The following LIMS2 variants were observed in gnomAD, a reference collection of about 807,000 sequenced individuals.
LIMS2 encodes the protein LIM and senescent cell antigen-like-containing domain protein 2.
Under a neutral mutation model 45.3 loss-of-function variants are expected in LIMS2, and 30 were observed. That is an observed-to-expected ratio of 0.66 (90% CI 0.50 to 0.90). The LOEUF is 0.90. Ranked by LOEUF, LIMS2 falls within the 40% of genes least tolerant of loss-of-function variation. The pLI is 0.00. For missense variants in LIMS2, 485 were observed against 468.7 expected, an observed-to-expected ratio of 1.03 and a Z score of -0.32; for synonymous variants, 173 against 188.0, an observed-to-expected ratio of 0.92 and a Z score of 0.65.
Position 127,642,084 on chromosome 2 carries a change from C to G in LIMS2, c.625G>C (p.Val209Leu). The G allele has an allele frequency of 1.2e-6, 2 of 1,610,890 alleles. No individual in the cohort carries two copies. The highest frequency in any genetic ancestry group is 1.7e-4 in the Middle Eastern group (1 of 6,040). The change falls in exon 6 of 10, where the codon GTG becomes CTG. Residue 209 changes from valine to leucine, a missense_variant. Coordinates refer to ENST00000355119, the MANE Select transcript of LIMS2 (RefSeq NM_001161403.3). This position sits in a 1 kb window ranked among gnomAD's most constrained non-coding sequence, Gnocchi z 5.3. ...CACTGCTTGCCCAGCGCGTTGACCA[C>G]TCGGCCCTCGATGGGCCGGCGGCAG... ...GACRRPIEGR[V>L]VNALGKQWHV...
At position 127,657,464 on chromosome 2, in the gene LIMS2, T is replaced by C. The variant is rs767431693; in HGVS notation, c.110A>G (p.His37Arg). 7.4e-6 allele frequency: 12 copies of C among 1,613,856 alleles called. No homozygotes were observed. Among genetic ancestry groups the C allele is most frequent in the South Asian group, 5.5e-5 (5 of 91,090 alleles). The change falls in exon 2 of 10, where the codon CAT becomes CGT. Residue 37 changes from histidine (H) to arginine (R), a missense_variant. Transcript: ENST00000355119. ...CTGGGCACACACGAAGCAGTGCTCA[T>C]GGTACAGCTCCCCATTGCTGTTGAC... ...RIVNSNGELY[H>R]EHCFVCAQCF...
chr2:127,681,156 C>T (rs902234543), intron 1 of LIMS2, among the ~76,000 whole-genome samples: 1 of 152,228 alleles, frequency 6.6e-6, no homozygotes, highest in African/African-American at 2.4e-5. Flanking sequence ...CCTTCACCGT[C>T]CCCATGCCGC....
In LIMS2 at chr2:127,672,602, CCT is replaced by C. The variant is rs1324132618; in HGVS notation, c.11+2410_11+2411del. On this transcript the variant is annotated intron_variant, in intron 1 of 9. Transcript: ENST00000355119. This position sits in a 1 kb window ranked among gnomAD's most constrained non-coding sequence, Gnocchi z 4.9. ...TCCTGTCCACTCCACCTCCCAGAAC[CCT>C]GAGTCAGCCTCCTCTCCTCCACCCG... Among the ~76,000 whole-genome samples the C allele has an allele frequency of 6.6e-6, 1 of 152,186 alleles. No individual in the cohort carries two copies. The highest frequency in any genetic ancestry group is 2.4e-5 in the African/African-American group (1 of 41,430).
rs774610761 is a variant in LIMS2 at position 127,651,180 on chromosome 2, C to T, written c.359+3244G>A. 1.2e-6 allele frequency: 2 copies of T among 1,612,090 alleles called. No individual in the cohort carries two copies. The highest frequency in any genetic ancestry group is 1.7e-6 in the Non-Finnish European group (2 of 1,179,946). ...CAAGCTCCGCAGGCCCCTCTACGCA[C>T]ACCTGGCCTGTGCCTTCCTGTGGGT... On this transcript the variant is annotated intron_variant, in intron 4 of 9. Coordinates refer to ENST00000355119, the MANE Select transcript of LIMS2 (RefSeq NM_001161403.3).
intron 2 of LIMS2, 127 bp from the exon 3 acceptor site, chr2:127,655,023 G>C: frequency 1.1e-6 from 1 of 883,764 alleles, no homozygotes; most frequent in Non-Finnish European, 1.9e-6. Flanking sequence ...GCCGGGCTGA[G>C]GCTGGAGCAG....
Position 127,671,691 on chromosome 2 carries a change from T to C in LIMS2, c.11+3323A>G, listed in dbSNP as rs2105344078. Reference sequence around the variant, plus strand: ...CCCTGCAGATCAGTCCCTCCATCCCTATTATGCCACTGGCCGGCTAGAAGG... The same window carrying C: ...CCCTGCAGATCAGTCCCTCCATCCCCATTATGCCACTGGCCGGCTAGAAGG... On this transcript the variant is annotated intron_variant, in intron 1 of 9. Transcript: ENST00000355119. The surrounding 1 kb of genome is among the most constrained non-coding windows in gnomAD (Gnocchi z 4.1). Among the ~76,000 whole-genome samples, 1 of 152,284 alleles carries C rather than the reference T, an allele frequency of 6.6e-6. No homozygotes were observed. The highest frequency in any genetic ancestry group is 3.4e-3 in the Middle Eastern group (1 of 294).
At chr2:127,674,895 C>T (rs2105349725) in intron 1 of LIMS2, 119 bp downstream of exon 1, 2 of 1,216,922 alleles carry the variant, frequency 1.6e-6, no homozygotes, top group Non-Finnish European at 2.0e-6. Flanking sequence ...GAGAATCCGA[C>T]GCGCCAGGGC....
intron 8 of LIMS2, 24 bp downstream of exon 8, chr2:127,640,246 G>C (rs369196530): frequency 3.2e-5 from 52 of 1,612,980 alleles, no homozygotes; most frequent in South Asian, 3.2e-4. Context: ...CAGGTGGGGT[G>C]GGGGAGGGAA....
At position 127,662,467 on chromosome 2, in the gene LIMS2, G is replaced by A. The variant is rs906671044; in HGVS notation, c.12-4905C>T. On this transcript the variant is annotated intron_variant, in intron 1 of 9. Transcript: ENST00000355119. ...ATGAAGCCAGCCAGAGGCCAGTGTC[G>A]GGTCACCTGGCCACATGAGGTCAAC... Among the ~76,000 whole-genome samples, 78 of 151,826 alleles carry A rather than the reference G, an allele frequency of 5.1e-4. 1 individual carries two copies. The highest frequency in any genetic ancestry group is 2.5e-4 in the Non-Finnish European group (17 of 67,972).
In LIMS2 at chr2:127,657,582, GGA is replaced by G; in HGVS notation, c.12-22_12-21del. 1.9e-6 allele frequency: 3 copies of G among 1,582,690 alleles called. No individual in the cohort carries two copies. The highest frequency in any genetic ancestry group is 2.4e-5 in the South Asian group (2 of 84,818). ...ATATTGCTGGGGGCAGGAGACAGGA[GGA>G]GTGAGTCAGAGCTGGTCAGGGGTGC... On this transcript the variant is annotated intron_variant, in intron 1 of 9. Coordinates refer to ENST00000355119, the MANE Select transcript of LIMS2 (RefSeq NM_001161403.3).
At chr2:127,654,988 G>T (rs1274221341) in intron 2 of LIMS2, 92 bp from the exon 3 acceptor site, 2 of 1,212,118 alleles carry the variant, frequency 1.7e-6, no homozygotes, top group African/African-American at 3.0e-5. Flanking sequence ...TGACAGCAGG[G>T]GATGAGGCAC....
chr2:127,674,601 G>T (rs941299528), intron 1 of LIMS2: 343 of 979,672 alleles, frequency 3.5e-4, no homozygotes, highest in Non-Finnish European at 4.1e-4. Flanking sequence ...GAAACGGAAG[G>T]CTCCAGAGAT....
intron 2 of LIMS2, 143 bp from the exon 3 acceptor site, chr2:127,655,039 C>T (rs938697854): frequency 1.3e-6 from 1 of 783,438 alleles, no homozygotes; most frequent in African/African-American, 1.7e-5. Context: ...AGCAGTGGGT[C>T]CCAGGCCTGG....
chr2:127,665,484 G>A (rs1414768546), intron 1 of LIMS2, among the ~76,000 whole-genome samples: 1 of 152,168 alleles, frequency 6.6e-6, no homozygotes, highest in Non-Finnish European at 1.5e-5. Flanking sequence ...GTCAAGTGAC[G>A]ACAAGCATTG....
intron 1 of LIMS2, among the ~76,000 whole-genome samples, chr2:127,673,250 G>A (rs775876702): frequency 5.3e-5 from 8 of 152,218 alleles, no homozygotes; most frequent in Non-Finnish European, 1.2e-4. Context: ...CATAAAGGGA[G>A]GCTCTTGGGA....
chr2:127,640,556 C>T lies in LIMS2; in HGVS notation c.754-238G>A, dbSNP rs1173721872. ...GAAGGCCCCTCTGCTCTGGCCACTG[C>T]TGTCCTGCAAGGAGGTGGGCCCAGG... is the stretch of plus-strand genomic sequence containing the variant. On this transcript the variant is annotated intron_variant, in intron 7 of 9. Transcript: ENST00000355119. The T allele has an allele frequency of 2.3e-5, 14 of 606,514 alleles. No individual in the cohort carries two copies. The East Asian group carries it at 3.8e-4, about 17-fold the overall frequency. 37.6% of individuals were successfully genotyped at this position (606,514 alleles called of 1,614,324 possible).
intron 1 of LIMS2, among the ~76,000 whole-genome samples, chr2:127,670,752 C>A (rs539053883): frequency 1.3e-5 from 2 of 152,208 alleles, no homozygotes; most frequent in African/African-American, 4.8e-5. Flanking sequence ...CCCTGGGGCA[C>A]GTGCCCTCAG....
intron 4 of LIMS2, chr2:127,652,644 GGTT>G (rs1683929496): frequency 6.2e-6 from 1 of 160,718 alleles, no homozygotes; most frequent in Non-Finnish European, 1.5e-5. Flanking sequence ...AGACTACACA[GGTT>G]GTTATGTTTG....
intron 1 of LIMS2, chr2:127,673,683 C>T (rs1313227873): frequency 9.0e-6 from 14 of 1,551,556 alleles, no homozygotes; most frequent in Non-Finnish European, 1.1e-5. Flanking sequence ...CCCACCTCCA[C>T]CTCAATGCTG....
Sources: allele counts gnomAD v4.1 joint callset (sites outside exome capture counted in the v4.1 genomes callset), GRCh38; gene constraint gnomAD v4.1.1; non-coding constraint Gnocchi (gnomAD v3.1); transcripts MANE v1.5; gene names NCBI Gene and HGNC (gene_info 2026-07-23, HGNC 2026-07-21).